The following SHISA9 variants were observed in gnomAD, a reference collection of about 807,000 sequenced individuals.
The protein encoded by SHISA9 is protein shisa-9.
Under a neutral mutation model 38.0 loss-of-function variants are expected in SHISA9, and 13 were observed. The ratio of observed to expected loss-of-function variants is 0.34; its 90% CI spans 0.22 to 0.54. The LOEUF is 0.54. SHISA9 is among the 20% of genes least tolerant of loss of function. SHISA9 has a pLI of 0.91. For synonymous variants in SHISA9, 275 were observed against 242.0 expected (o/e 1.14, Z -1.27); for missense variants, 538 against 575.8 (o/e 0.93, Z 0.67).
At chr16:13,216,261 T>G (rs2051168106) in intron 4 of SHISA9, among the ~76,000 whole-genome samples, 1 of 150,636 alleles carries the variant, frequency 6.6e-6, no homozygotes, top group South Asian at 2.1e-4. Flanking sequence ...TGGGTTCCAA[T>G]ACAGGCACCA....
At chr16:13,250,212 C>G in the SHISA9 span, among the ~76,000 whole-genome samples, 1 of 152,150 alleles carries the variant, frequency 6.6e-6, no homozygotes, top group African/African-American at 2.4e-5. Context: ...TCAACTGGAC[C>G]CAGACCCTCA....
the SHISA9 span, among the ~76,000 whole-genome samples, chr16:13,482,864 C>T: frequency 6.6e-6 from 1 of 150,780 alleles, no homozygotes; most frequent in African/African-American, 2.4e-5. Context: ...AGGAGCAGAT[C>T]CTCCAACCTA....
At chr16:12,981,739 C>T (rs898809514) in intron 2 of SHISA9, among the ~76,000 whole-genome samples, 1 of 152,116 alleles carries the variant, frequency 6.6e-6, no homozygotes, top group Non-Finnish European at 1.5e-5. Flanking sequence ...GAGACAGGGT[C>T]TTTAACGAGG....
At chr16:13,233,234 C>G (rs776521634) in intron 4 of SHISA9, among the ~76,000 whole-genome samples, 9 of 151,104 alleles carry the variant, frequency 6.0e-5, no homozygotes, top group Non-Finnish European at 1.3e-4. Context: ...AAAATCAGAG[C>G]TTAGTCCTCA....
chr16:12,975,702 G>A (rs1391995680), intron 2 of SHISA9, among the ~76,000 whole-genome samples: 2 of 150,942 alleles, frequency 1.3e-5, no homozygotes, highest in Admixed American at 6.6e-5. Flanking sequence ...GGCCTAATCA[G>A]GAATTGGTGA....
At chr16:13,440,650 C>T in the SHISA9 span, among the ~76,000 whole-genome samples, 1 of 152,126 alleles carries the variant, frequency 6.6e-6, no homozygotes, top group Admixed American at 6.5e-5. Context: ...CATTGGTGGC[C>T]GGGTGCGGCG....
At position 13,237,583 on chromosome 16, in the gene SHISA9, A is replaced by T. The variant is rs1159561199; in HGVS notation, c.*2174A>T. On this transcript the variant is annotated 3_prime_UTR_variant, in exon 5 of 5. Coordinates refer to ENST00000558583, the MANE Select transcript of SHISA9 (RefSeq NM_001145204.3). ...GAGGCTGAGGCAGGAGAATCGCTTA[A>T]ACTTGGGAGGTTGCAGTGAGCTGAG... 6.6e-6 allele frequency: 1 copy of T among 151,278 alleles called. No individual in the cohort carries two copies. The highest frequency in any genetic ancestry group is 1.5e-5 in the Non-Finnish European group (1 of 67,884). The allele number at this position is 151,278 out of a possible 1,614,324, so 9.4% of individuals were successfully genotyped here. A position where few individuals can be genotyped will look rare whatever the true frequency, so the allele number is the denominator to read the frequency against.
the SHISA9 span, among the ~76,000 whole-genome samples, chr16:13,522,427 G>T: frequency 2.6e-4 from 40 of 152,108 alleles, no homozygotes; most frequent in African/African-American, 9.6e-4. Context: ...TGATCATCTA[G>T]AAACAAATTG....
At chr16:13,477,121 C>A in the SHISA9 span, among the ~76,000 whole-genome samples, 11 of 152,068 alleles carry the variant, frequency 7.2e-5, no homozygotes, top group South Asian at 1.2e-3. Flanking sequence ...TTATTGCATA[C>A]CTACAAGGTG....
At chr16:13,061,426 G>A (rs1386808044) in intron 2 of SHISA9, among the ~76,000 whole-genome samples, 1 of 152,194 alleles carries the variant, frequency 6.6e-6, no homozygotes, top group African/African-American at 2.4e-5. Context: ...CAGTCTGCAA[G>A]TCGCTTCGTC....
the SHISA9 span, among the ~76,000 whole-genome samples, chr16:13,480,337 C>T: frequency 1.3e-5 from 2 of 152,128 alleles, no homozygotes; most frequent in Non-Finnish European, 2.9e-5. Flanking sequence ...CTCCTGAGAA[C>T]TGCTCTGTTT....
At chr16:13,454,428 CG>C in the SHISA9 span, among the ~76,000 whole-genome samples, 1 of 152,184 alleles carries the variant, frequency 6.6e-6, no homozygotes, top group Non-Finnish European at 1.5e-5. Flanking sequence ...CTCTTGTCAA[CG>C]TATTAAATAT....
the SHISA9 span, among the ~76,000 whole-genome samples, chr16:13,448,524 C>T: frequency 1.3e-5 from 2 of 152,212 alleles, no homozygotes; most frequent in Admixed American, 1.3e-4. Flanking sequence ...GGTGAACGGA[C>T]CGTACTCTTC....
chr16:13,012,919 C>T (rs1392990966), intron 2 of SHISA9, among the ~76,000 whole-genome samples: 2 of 152,152 alleles, frequency 1.3e-5, no homozygotes, highest in Non-Finnish European at 2.9e-5. Context: ...TGCTTGCCAT[C>T]TCCATGGTAC....
At chr16:13,024,957 G>A (rs1020828482) in intron 2 of SHISA9, among the ~76,000 whole-genome samples, 1 of 152,114 alleles carries the variant, frequency 6.6e-6, no homozygotes, top group East Asian at 1.9e-4. Flanking sequence ...AGTGCAAGGG[G>A]CAGATATTGG....
chr16:12,959,376 G>C (rs1316405045), intron 2 of SHISA9, among the ~76,000 whole-genome samples: 1 of 152,164 alleles, frequency 6.6e-6, no homozygotes, highest in Non-Finnish European at 1.5e-5. Context: ...ACATTTGCTA[G>C]GTGCTTCCTC....
intron 2 of SHISA9, among the ~76,000 whole-genome samples, chr16:12,948,982 A>G (rs973196759): frequency 3.9e-5 from 6 of 152,198 alleles, no homozygotes; most frequent in Non-Finnish European, 5.9e-5. Context: ...GTGGCTGGAT[A>G]TACTCATCTG....
the SHISA9 span, among the ~76,000 whole-genome samples, chr16:13,263,067 A>T: frequency 4.9e-4 from 75 of 152,120 alleles, no homozygotes; most frequent in African/African-American, 1.8e-3. Flanking sequence ...ATTCCTGTGG[A>T]TTTATAATTT....
At chr16:13,362,362 A>G in the SHISA9 span, among the ~76,000 whole-genome samples, 1 of 152,050 alleles carries the variant, frequency 6.6e-6, no homozygotes, top group Admixed American at 6.6e-5. Flanking sequence ...CAGGGGATCG[A>G]GGCTGCAGTG....
Sources: gnomAD v4.1 joint callset for allele counts (sites outside exome capture counted in the v4.1 genomes callset) on GRCh38, gnomAD v4.1.1 for gene constraint, MANE v1.5 for transcripts, NCBI Gene and HGNC (gene_info 2026-07-23, HGNC 2026-07-21) for gene names.